SDK1: variants seen among roughly 807,000 people sequenced by gnomAD.
The protein encoded by SDK1 is protein sidekick-1.
A neutral mutation model predicts 245.5 loss-of-function variants in SDK1; 157 were observed. That is an observed-to-expected ratio of 0.64 (90% CI 0.56 to 0.73). The LOEUF (loss-of-function observed/expected upper bound fraction) is 0.73. Among genes scored for constraint, SDK1 ranks in the 30% least tolerant of loss-of-function variants. The pLI, the probability that SDK1 is intolerant of heterozygous loss-of-function variation, is 0.00. For synonymous variants in SDK1, 1,647 were observed against 1,278.5 expected (o/e 1.29, Z -6.15); for missense variants, 3,583 against 3,002.3 (o/e 1.19, Z -4.52).
chr7:3,651,994 A>G (rs1389089567), intron 4 of SDK1, among the ~76,000 whole-genome samples: 1 of 152,214 alleles, frequency 6.6e-6, no homozygotes, highest in Non-Finnish European at 1.5e-5. Flanking sequence ...TGAAGGATCT[A>G]TGAATGAGTT....
At chr7:3,536,447 G>C (rs553710060) in intron 1 of SDK1, among the ~76,000 whole-genome samples, 1 of 152,210 alleles carries the variant, frequency 6.6e-6, no homozygotes, top group East Asian at 1.9e-4. Flanking sequence ...TGGAGGCCAA[G>C]GTGGGCAGAT....
At chr7:3,635,462 A>G (rs1258475868) in intron 2 of SDK1, among the ~76,000 whole-genome samples, 1 of 152,254 alleles carries the variant, frequency 6.6e-6, no homozygotes, top group African/African-American at 2.4e-5. Flanking sequence ...TTGAATAAAA[A>G]CATGAGCAAT....
At chr7:3,307,083 A>G (rs372670178) in intron 1 of SDK1, among the ~76,000 whole-genome samples, 7 of 152,290 alleles carry the variant, frequency 4.6e-5, no homozygotes, top group Middle Eastern at 3.4e-3. Context: ...AAAGCTATTG[A>G]TGTTTTGTTA....
chr7:3,883,362 C>T (rs1043074109), intron 5 of SDK1, among the ~76,000 whole-genome samples: 2 of 152,168 alleles, frequency 1.3e-5, no homozygotes, highest in African/African-American at 2.4e-5. Context: ...AAGTCTTAAG[C>T]GAGGAACGTG....
In SDK1 at chr7:3,474,093, T is replaced by G. The variant is rs1224798640; in HGVS notation, c.299-144987T>G. 2.5e-3 allele frequency among the ~76,000 whole-genome samples: 91 copies of G among 36,526 alleles called. 2 individuals carry two copies. Among genetic ancestry groups the G allele is most frequent in the Non-Finnish European group, 8.2e-4 (14 of 17,000 alleles). 24.0% of individuals were successfully genotyped at this position (36,526 alleles called of 152,430 possible). On this transcript the variant is annotated intron_variant, in intron 1 of 44. Transcript: ENST00000404826. ...ACTTGACATCTCTACCAGATGGTGTTTTTTTTTTTTTTTTTTTTTTTTTTT... is the reference window on the plus strand; with the variant it reads ...ACTTGACATCTCTACCAGATGGTGTGTTTTTTTTTTTTTTTTTTTTTTTTT...
At chr7:4,063,599 A>AAAAAAAAAAAAC (rs1554327555) in intron 19 of SDK1, among the ~76,000 whole-genome samples, 11 of 148,950 alleles carry the variant, frequency 7.4e-5, no homozygotes, top group Admixed American at 4.7e-4. Flanking sequence ...AGAAATAGCA[A>AAAAAAAAAAAAC]AAAAAAAAAA....
chr7:3,329,356 A>C (rs958780425), intron 1 of SDK1, among the ~76,000 whole-genome samples: 4 of 152,088 alleles, frequency 2.6e-5, no homozygotes, highest in African/African-American at 4.8e-5. Flanking sequence ...CTTTTTTGAA[A>C]ACAGCTTTAT....
chr7:4,157,384 G>A (rs1225915337), intron 30 of SDK1, among the ~76,000 whole-genome samples: 1 of 92,464 alleles, frequency 1.1e-5, no homozygotes, highest in Non-Finnish European at 2.1e-5. Context: ...AGGGAGAGAA[G>A]GAATGAGGGG....
chr7:3,575,563 C>G (rs937041662), intron 1 of SDK1, among the ~76,000 whole-genome samples: 1 of 151,904 alleles, frequency 6.6e-6, no homozygotes, highest in African/African-American at 2.4e-5. Flanking sequence ...GTAGATAGTG[C>G]TTTTTGCTGG....
At chr7:4,166,427 A>G (rs1173039492) in intron 32 of SDK1, among the ~76,000 whole-genome samples, 1 of 152,266 alleles carries the variant, frequency 6.6e-6, no homozygotes, top group African/African-American at 2.4e-5. Flanking sequence ...AACTCTGGCC[A>G]GAGGGGCACC....
intron 1 of SDK1, among the ~76,000 whole-genome samples, chr7:3,363,268 C>T (rs1362634663): frequency 8.5e-5 from 13 of 152,084 alleles, no homozygotes; most frequent in South Asian, 2.1e-4. Context: ...AGTTCCCTGA[C>T]GATTCATCTA....
At chr7:4,235,258 G>A (rs188881905) in intron 41 of SDK1, among the ~76,000 whole-genome samples, 20 of 152,200 alleles carry the variant, frequency 1.3e-4, no homozygotes, top group South Asian at 4.1e-4. Context: ...TCCGTCTCCC[G>A]GGTTCAAGGG....
At chr7:4,187,058 A>G (rs571563496) in intron 35 of SDK1, among the ~76,000 whole-genome samples, 4 of 152,138 alleles carry the variant, frequency 2.6e-5, no homozygotes, top group African/African-American at 9.6e-5. Context: ...ACCCATCTTG[A>G]CTGTGTTTGC....
chr7:4,194,169 C>T (rs560027877), intron 35 of SDK1, among the ~76,000 whole-genome samples: 2 of 151,870 alleles, frequency 1.3e-5, no homozygotes, highest in South Asian at 4.2e-4. Context: ...GTCAGGGTTC[C>T]CTAGAGGGAC....
chr7:4,008,908 A>G (rs76154087), intron 14 of SDK1, among the ~76,000 whole-genome samples: 5 of 152,188 alleles, frequency 3.3e-5, no homozygotes, highest in Non-Finnish European at 7.3e-5. Context: ...CTTTGAGTGT[A>G]TACTGAGAAG....
intron 13 of SDK1, among the ~76,000 whole-genome samples, chr7:3,980,076 C>T (rs755725324): frequency 3.9e-5 from 6 of 152,162 alleles, no homozygotes; most frequent in Non-Finnish European, 8.8e-5. Context: ...CATCTTCATC[C>T]TCAGAGTGAA....
chr7:3,543,320 T>C (rs1779109232), intron 1 of SDK1, among the ~76,000 whole-genome samples: 2 of 152,286 alleles, frequency 1.3e-5, no homozygotes, highest in Non-Finnish European at 2.9e-5. Flanking sequence ...GCTTAATTTC[T>C]GTTTCATGGA....
At chr7:3,430,068 C>T (rs975874860) in intron 1 of SDK1, among the ~76,000 whole-genome samples, 4 of 152,216 alleles carry the variant, frequency 2.6e-5, no homozygotes, top group Admixed American at 6.5e-5. Flanking sequence ...CTCTGCCTCT[C>T]ACCTTGAGGA....
At chr7:3,567,275 G>A (rs1393188639) in intron 1 of SDK1, among the ~76,000 whole-genome samples, 2 of 152,122 alleles carry the variant, frequency 1.3e-5, no homozygotes, top group East Asian at 1.9e-4. Context: ...ATTCCTCAGC[G>A]GCTTCGTGGG....
Sources: gnomAD v4.1 joint callset for allele counts (sites outside exome capture counted in the v4.1 genomes callset) on GRCh38, gnomAD v4.1.1 for gene constraint, MANE v1.5 for transcripts, NCBI Gene and HGNC (gene_info 2026-07-23, HGNC 2026-07-21) for gene names.